Variants in HTT observed in about 807,000 individuals in gnomAD.
HTT encodes huntingtin.
In HTT, 104 loss-of-function variants were observed where a neutral mutation model predicts 362.3. That is an observed-to-expected ratio of 0.29 (90% CI 0.24 to 0.34). HTT has a LOEUF of 0.34. HTT is among the 10% of genes least tolerant of loss of function. HTT has a pLI of 1.00. For synonymous variants in HTT, 1,577 were observed against 1,548.7 expected, an observed-to-expected ratio of 1.02 and a Z score of -0.43; for missense variants, 3,301 against 3,928.6, an observed-to-expected ratio of 0.84 and a Z score of 4.27.
chr4:3,114,580 A>G (rs1301408583), intron 6 of HTT, among the ~76,000 whole-genome samples: 1 of 152,242 alleles, frequency 6.6e-6, no homozygotes, highest in East Asian at 1.9e-4. Flanking sequence ...TGCTCAGTGC[A>G]TGCTGAACAA....
Position 3,230,039 on chromosome 4 carries a change from G to T in HTT, c.8262G>T (p.Gly2754=). The part of the protein sequence containing the change: ...PATCKAAAVL[G]MDKAVAEPVS... The stretch of plus-strand genomic sequence containing the variant: ...CCTGCAAGGCAGCTGCCGTCCTTGG[G>T]ATGGTAAGTGACAGGTGGCACAGAG... The change falls in exon 60 of 67, where the codon GGG becomes GGT. Residue 2754 remains glycine (G), a synonymous_variant. Coordinates refer to ENST00000355072, the MANE Select transcript of HTT (RefSeq NM_001388492.1). 1 of 1,613,806 alleles carries T rather than the reference G, an allele frequency of 6.2e-7. No homozygotes were observed. The highest frequency in any genetic ancestry group is 8.5e-7 in the Non-Finnish European group (1 of 1,179,720).
chr4:3,079,116 G>T (rs964181953), intron 1 of HTT, among the ~76,000 whole-genome samples: 1 of 151,972 alleles, frequency 6.6e-6, no homozygotes, highest in Admixed American at 6.6e-5. Flanking sequence ...GGCTGGTCTC[G>T]AACTCCCGGC....
chr4:3,240,259 G>A lies in HTT; in HGVS notation c.*200G>A. 3.3e-6 allele frequency: 2 copies of A among 604,316 alleles called. No homozygotes were observed. The highest frequency in any genetic ancestry group is 3.9e-5 in the South Asian group (2 of 50,826). 37.4% of individuals were successfully genotyped at this position (604,316 alleles called of 1,614,324 possible). A position where few individuals can be genotyped will look rare whatever the true frequency, so the allele number is the denominator to read the frequency against. Reference sequence around the variant, plus strand: ...AGTGGCCAGGCAGGGAGTGTCTGCAGTCCTGGTGGGGCTGAGCCTGAGGCC... The same window carrying A: ...AGTGGCCAGGCAGGGAGTGTCTGCAATCCTGGTGGGGCTGAGCCTGAGGCC... On this transcript the variant is annotated 3_prime_UTR_variant, in exon 67 of 67. Transcript: ENST00000355072.
At chr4:3,147,921 G>T (rs1716687073) in intron 25 of HTT, 84 bp from the exon 26 acceptor site, 4 of 1,078,702 alleles carry the variant, frequency 3.7e-6, no homozygotes, top group Admixed American at 2.3e-5. Context: ...TCAACATAGG[G>T]TCTTAAATGA....
intron 24 of HTT, among the ~76,000 whole-genome samples, chr4:3,145,974 G>A (rs1478103582): frequency 6.6e-6 from 1 of 152,166 alleles, no homozygotes. Context: ...GGAGTAAAAT[G>A]TATTAATTTA....
chr4:3,107,254 A>C, intron 5 of HTT, 31 bp from the exon 6 acceptor site: 2 of 1,605,314 alleles, frequency 1.2e-6, no homozygotes, highest in African/African-American at 2.7e-5. Flanking sequence ...GGAGAGCTGG[A>C]AGAATGACTT....
At chr4:3,182,326 G>C (rs776382279) in intron 36 of HTT, 28 bp from the exon 37 acceptor site, 1 of 1,469,864 alleles carries the variant, frequency 6.8e-7, no homozygotes, top group Non-Finnish European at 9.5e-7. Flanking sequence ...CTTGGCAGCA[G>C]ACTTTCTAAT....
intron 49 of HTT, chr4:3,212,992 A>C: frequency 5.4e-6 from 2 of 370,756 alleles, no homozygotes; most frequent in Non-Finnish European, 9.9e-6. Context: ...AAAAATAATC[A>C]TCTGGAAGTA....
chr4:3,095,588 A>G (rs115104835), intron 2 of HTT, among the ~76,000 whole-genome samples: 331 of 152,344 alleles, frequency 2.2e-3, no homozygotes, highest in African/African-American at 7.4e-3. Context: ...TCTGGCCTCT[A>G]AAACTGTGAA....
At chr4:3,196,473 A>C (rs1013015646) in intron 40 of HTT, among the ~76,000 whole-genome samples, 1 of 152,166 alleles carries the variant, frequency 6.6e-6, no homozygotes, top group African/African-American at 2.4e-5. Flanking sequence ...GTGGTGGCTC[A>C]CACCTGTAAT....
At chr4:3,212,738 G>A in intron 49 of HTT, 29 bp downstream of exon 49, 2 of 1,613,440 alleles carry the variant, frequency 1.2e-6, no homozygotes, top group Non-Finnish European at 1.7e-6. Flanking sequence ...GCTCAGTGTT[G>A]CTGTGGGGAG....
At chr4:3,203,555 T>G (rs1266766621) in intron 41 of HTT, among the ~76,000 whole-genome samples, 1 of 152,268 alleles carries the variant, frequency 6.6e-6, no homozygotes, top group Non-Finnish European at 1.5e-5. Flanking sequence ...CCATAACGTA[T>G]AACATCAACA....
chr4:3,194,489 T>C (rs1189844733), intron 40 of HTT, among the ~76,000 whole-genome samples: 1 of 152,226 alleles, frequency 6.6e-6, no homozygotes, highest in Non-Finnish European at 1.5e-5. Context: ...TTGTTGTCCA[T>C]GTGGCTGAAT....
At chr4:3,117,142 C>T (rs1477631566) in intron 8 of HTT, among the ~76,000 whole-genome samples, 1 of 152,152 alleles carries the variant, frequency 6.6e-6, no homozygotes, top group Non-Finnish European at 1.5e-5. Flanking sequence ...AAAGTGGACT[C>T]TTAAGAAAGT....
chr4:3,182,430 A>G lies in HTT; in HGVS notation c.4826A>G (p.Gln1609Arg), dbSNP rs890099804. Residue 1609 changes from glutamine (Q) to arginine (R), a missense_variant, in exon 37 of 67, where the codon CAG becomes CGG. Gln to Arg is a conservative substitution (Grantham distance 43). Coordinates refer to ENST00000355072, the MANE Select transcript of HTT (RefSeq NM_001388492.1). ...GACAAGTGGAAGCGACTGTCTCGAC[A>G]GATAGCTGACATCATCCTCCCAATG... ...NEDKWKRLSR[Q>R]IADIILPMLA... is the part of the protein sequence containing the mutation. 1.9e-6 allele frequency: 3 copies of G among 1,614,084 alleles called. No individual in the cohort carries two copies. The highest frequency in any genetic ancestry group is 2.5e-6 in the Non-Finnish European group (3 of 1,179,890).
chr4:3,228,578 G>T lies in HTT; in HGVS notation c.7849-37G>T. 5.3e-6 allele frequency: 8 copies of T among 1,517,154 alleles called. No homozygotes were observed. The highest frequency in any genetic ancestry group is 7.1e-6 in the Non-Finnish European group (8 of 1,132,708). The allele number at this position is 1,517,154 out of a possible 1,614,324, so 94.0% of individuals were successfully genotyped here. On this transcript the variant is annotated intron_variant, in intron 57 of 66. Transcript: ENST00000355072. This position sits in a 1 kb window ranked among gnomAD's most constrained non-coding sequence, Gnocchi z 4.3. ...CCACCCACCAGGAGCCTGGCACTGT[G>T]GCCGCAGCACTGAGCAGTGCCCCGT...
rs1560595637 is a variant in HTT, at chr4:3,211,901, TTGTTAACC to T, written c.6415-26_6415-19del. ...AAAGCTCATAATCTGTTGTTATTGT[TTGTTAACC>T]TTTAATGCTCTGATTTCAGGAGTTC... On this transcript the variant is annotated intron_variant, in intron 47 of 66. Coordinates refer to ENST00000355072, the MANE Select transcript of HTT (RefSeq NM_001388492.1). 6.5e-7 allele frequency: 1 copy of T among 1,530,762 alleles called. No homozygotes were observed. The highest frequency in any genetic ancestry group is 1.1e-5 in the South Asian group (1 of 89,318). 94.8% of individuals were successfully genotyped at this position (1,530,762 alleles called of 1,614,324 possible). A position where few individuals can be genotyped will look rare whatever the true frequency, so the allele number is the denominator to read the frequency against.
chr4:3,235,206 G>T, intron 61 of HTT, 78 bp from the exon 62 acceptor site: 2 of 1,051,688 alleles, frequency 1.9e-6, no homozygotes, highest in African/African-American at 1.6e-5. Context: ...ACACTCCCGC[G>T]TGGGGCCGGA....
In HTT at chr4:3,074,733, C is replaced by T. The variant is rs1004142787; in HGVS notation, c.-93C>T. 4.5e-6 allele frequency: 6 copies of T among 1,329,536 alleles called. No homozygotes were observed. The highest frequency in any genetic ancestry group is 5.0e-6 in the Non-Finnish European group (5 of 996,414). The allele number at this position is 1,329,536 out of a possible 1,614,324, so 82.4% of individuals were successfully genotyped here. ...GCCGCTCAGGTTCTGCTTTTACCTG[C>T]GGCCCAGAGCCCCATTCATTGCCCC... is the stretch of plus-strand genomic sequence containing the variant. On this transcript the variant is annotated 5_prime_UTR_variant, in exon 1 of 67. Coordinates refer to ENST00000355072, the MANE Select transcript of HTT (RefSeq NM_001388492.1).
Sources: allele counts gnomAD v4.1 joint callset (sites outside exome capture counted in the v4.1 genomes callset), GRCh38; gene constraint gnomAD v4.1.1; non-coding constraint Gnocchi (gnomAD v3.1); transcripts MANE v1.5; gene names NCBI Gene and HGNC (gene_info 2026-07-23, HGNC 2026-07-21).